The following LRRC4C variants were observed in gnomAD, a reference collection of about 807,000 sequenced individuals.
LRRC4C encodes leucine-rich repeat-containing protein 4C.
A neutral mutation model predicts 33.6 loss-of-function variants in LRRC4C; 5 were observed. That is an observed-to-expected ratio of 0.15 (90% confidence interval 0.08 to 0.31). The LOEUF (loss-of-function observed/expected upper bound fraction) is 0.31. LRRC4C is among the 10% of genes least tolerant of loss of function. The pLI, the probability that LRRC4C is intolerant of heterozygous loss-of-function variation, is 1.00. For synonymous variants in LRRC4C, 329 were observed against 302.0 expected (o/e 1.09, Z -0.93); for missense variants, 560 against 796.7 (o/e 0.70, Z 3.58).
chr11:41,382,070 T>A (rs1265710322), intron 1 of LRRC4C, among the ~76,000 whole-genome samples: 2 of 151,878 alleles, frequency 1.3e-5, no homozygotes, highest in African/African-American at 2.4e-5. Context: ...TGAGGGAGAA[T>A]ATTTGAATAG....
chr11:40,248,807 TATATCAA>T (rs1866544690), intron 4 of LRRC4C, among the ~76,000 whole-genome samples: 1 of 152,238 alleles, frequency 6.6e-6, no homozygotes, highest in Non-Finnish European at 1.5e-5. Flanking sequence ...ATTTTACGCA[TATATCAA>T]ATATCACTTG....
chr11:40,780,154 G>T (rs1384668236), intron 2 of LRRC4C, among the ~76,000 whole-genome samples: 2 of 152,062 alleles, frequency 1.3e-5, no homozygotes, highest in Non-Finnish European at 2.9e-5. Flanking sequence ...TATTAAAAAG[G>T]TACCTTGAGT....
At chr11:40,762,072 T>A (rs903205792) in intron 2 of LRRC4C, among the ~76,000 whole-genome samples, 1 of 152,136 alleles carries the variant, frequency 6.6e-6, no homozygotes, top group Non-Finnish European at 1.5e-5. Flanking sequence ...AGAAGGACAT[T>A]TTCCAAGGGA....
At chr11:41,219,202 T>C (rs1381142275) in intron 1 of LRRC4C, among the ~76,000 whole-genome samples, 1 of 152,194 alleles carries the variant, frequency 6.6e-6, no homozygotes, top group African/African-American at 2.4e-5. Context: ...TTCTTTTCTG[T>C]AGACATTATA....
chr11:41,263,583 T>A (rs945448443), intron 1 of LRRC4C, among the ~76,000 whole-genome samples: 1 of 152,204 alleles, frequency 6.6e-6, no homozygotes, highest in African/African-American at 2.4e-5. Flanking sequence ...GTTTATACAG[T>A]CATTTGTTTA....
chr11:40,451,822 C>T (rs1951901460), intron 3 of LRRC4C, among the ~76,000 whole-genome samples: 1 of 152,106 alleles, frequency 6.6e-6, no homozygotes, highest in African/African-American at 2.4e-5. Context: ...GTCAAGATGG[C>T]TGAATAGGAA....
intron 1 of LRRC4C, among the ~76,000 whole-genome samples, chr11:41,137,990 GGTT>G (rs1943339375): frequency 6.6e-6 from 1 of 152,130 alleles, no homozygotes. Flanking sequence ...ACTGGGAGAT[GGTT>G]GTAAAAAATT....
chr11:40,495,852 G>T (rs1410473815), intron 3 of LRRC4C, among the ~76,000 whole-genome samples: 1 of 37,298 alleles, frequency 2.7e-5, no homozygotes, highest in African/African-American at 1.2e-4. Context: ...TTTTTTTTGA[G>T]AGAGTCTCGC....
chr11:40,903,177 T>A (rs909771153), intron 2 of LRRC4C, among the ~76,000 whole-genome samples: 1 of 152,112 alleles, frequency 6.6e-6, no homozygotes, highest in Non-Finnish European at 1.5e-5. Context: ...TCTAAAAATC[T>A]CAGAACCAAT....
chr11:40,168,273 A>T (rs1859764023), intron 5 of LRRC4C, among the ~76,000 whole-genome samples: 1 of 152,148 alleles, frequency 6.6e-6, no homozygotes, highest in Non-Finnish European at 1.5e-5. Flanking sequence ...TTATTATAAG[A>T]CTAACATTTT....
chr11:40,523,530 C>A (rs1955910765), intron 3 of LRRC4C, among the ~76,000 whole-genome samples: 1 of 149,060 alleles, frequency 6.7e-6, no homozygotes, highest in East Asian at 1.9e-4. Flanking sequence ...AGGTTATATA[C>A]ATAAATATTA....
At chr11:40,739,494 A>G (rs1233883188) in intron 2 of LRRC4C, among the ~76,000 whole-genome samples, 1 of 151,688 alleles carries the variant, frequency 6.6e-6, no homozygotes, top group African/African-American at 2.4e-5. Context: ...TAATATATAC[A>G]TAGACAATCA....
intron 2 of LRRC4C, among the ~76,000 whole-genome samples, chr11:40,801,949 A>C (rs1951061067): frequency 6.6e-6 from 1 of 152,164 alleles, no homozygotes; most frequent in African/African-American, 2.4e-5. Context: ...CATGGAGAAA[A>C]ATGCATTTTC....
intron 1 of LRRC4C, among the ~76,000 whole-genome samples, chr11:41,457,990 CT>C (rs892783185): frequency 8.6e-5 from 13 of 151,918 alleles, no homozygotes; most frequent in African/African-American, 2.9e-4. Flanking sequence ...TTTGTAACTC[CT>C]TTTTTTAAAA....
intron 5 of LRRC4C, among the ~76,000 whole-genome samples, chr11:40,184,659 C>T (rs1027837620): frequency 5.9e-5 from 9 of 152,144 alleles, no homozygotes; most frequent in Non-Finnish European, 7.3e-5. Flanking sequence ...AAGTCAATCT[C>T]GGCTGCTGTC....
chr11:40,268,864 C>G (rs1193332272), intron 4 of LRRC4C, among the ~76,000 whole-genome samples: 1 of 152,054 alleles, frequency 6.6e-6, no homozygotes, highest in Non-Finnish European at 1.5e-5. Context: ...CTCAGGAGAT[C>G]CTATGCATAG....
chr11:40,749,083 A>G (rs1171991557), intron 2 of LRRC4C, among the ~76,000 whole-genome samples: 1 of 152,154 alleles, frequency 6.6e-6, no homozygotes, highest in Non-Finnish European at 1.5e-5. Context: ...AAAATCAACA[A>G]AGAAAAGCAA....
intron 1 of LRRC4C, among the ~76,000 whole-genome samples, chr11:41,073,387 C>T (rs1459007200): frequency 6.6e-6 from 1 of 150,800 alleles, no homozygotes; most frequent in Non-Finnish European, 1.5e-5. Flanking sequence ...CTCCTTTCCT[C>T]CCAGGGGGAG....
intron 4 of LRRC4C, among the ~76,000 whole-genome samples, chr11:40,266,234 A>C (rs1590861689): frequency 6.6e-6 from 1 of 152,180 alleles, no homozygotes; most frequent in African/African-American, 2.4e-5. Flanking sequence ...TGGGAGATGA[A>C]GGCTGCAGTG....
Sources: allele counts gnomAD v4.1 joint callset (sites outside exome capture counted in the v4.1 genomes callset), GRCh38; gene constraint gnomAD v4.1.1; transcripts MANE v1.5; gene names NCBI Gene and HGNC (gene_info 2026-07-23, HGNC 2026-07-21).